The following STK31 variants were observed in gnomAD, a reference collection of about 807,000 sequenced individuals.
The protein encoded by STK31 is serine/threonine-protein kinase 31.
In STK31, 89 loss-of-function variants were observed where a neutral mutation model predicts 129.7. That is an observed-to-expected ratio of 0.69 (90% CI 0.58 to 0.82). The LOEUF is 0.82. STK31 is among the 40% of genes least tolerant of loss of function. The probability of loss-of-function intolerance (pLI) is 0.00; values close to 1 mark genes in which losing one functional copy is unlikely to be tolerated. For synonymous variants in STK31, 448 were observed against 395.3 expected, an observed-to-expected ratio of 1.13 and a Z score of -1.58; for missense variants, 1,187 against 1,176.4, an observed-to-expected ratio of 1.01 and a Z score of -0.13.
At position 23,710,243 on chromosome 7, in the gene STK31, C is replaced by A. The variant is rs367622084; in HGVS notation, c.-43C>A. 6.2e-7 allele frequency: 1 copy of A among 1,609,842 alleles called. No individual in the cohort carries two copies. Among genetic ancestry groups the A allele is most frequent in the Non-Finnish European group, 8.5e-7 (1 of 1,179,052 alleles). On this transcript the variant is annotated 5_prime_UTR_variant, in exon 1 of 24. Coordinates refer to ENST00000355870, the MANE Select transcript of STK31 (RefSeq NM_031414.5). ...TGCGGTCGAAGCTCACGCGGTAAGC[C>A]GCTGCACGTGTGCTACGGCGGGCGG...
At chr7:23,785,958 C>G (rs1791255275) in intron 18 of STK31, among the ~76,000 whole-genome samples, 1 of 151,710 alleles carries the variant, frequency 6.6e-6, no homozygotes, top group African/African-American at 2.4e-5. Context: ...CAAACCTGCA[C>G]GTTGTGCACA....
intron 16 of STK31, 93 bp from the exon 17 acceptor site, chr7:23,783,490 A>G (rs150161599): frequency 5.9e-6 from 5 of 853,118 alleles, no homozygotes; most frequent in African/African-American, 5.1e-5. Flanking sequence ...GATATGTTAT[A>G]AGGTAGATGC....
chr7:23,716,825 G>A (rs946908676), intron 3 of STK31, among the ~76,000 whole-genome samples: 2 of 142,658 alleles, frequency 1.4e-5, no homozygotes, highest in African/African-American at 5.3e-5. Context: ...TCAAGACAGG[G>A]TCTCCGTCAC....
In STK31 at chr7:23,757,439, AG is replaced by A. The variant is rs1188820874; in HGVS notation, c.1293+2968del. Among the ~76,000 whole-genome samples the A allele has an allele frequency of 2.6e-5, 4 of 152,242 alleles. No homozygotes were observed. The East Asian group carries it at 5.8e-4, about 22-fold the overall frequency. Reference sequence around the variant, plus strand: ...GGAGAGGGGGATGTGGCAGGACAATAGGGTAATAGTGGGGAGAGAGTCAGCA... The same window carrying A: ...GGAGAGGGGGATGTGGCAGGACAATAGGTAATAGTGGGGAGAGAGTCAGCA... On this transcript the variant is annotated intron_variant, in intron 10 of 23. Transcript: ENST00000355870.
Position 23,831,354 on chromosome 7 carries a change from A to G in STK31, c.2830-782A>G, listed in dbSNP as rs374582049. ...GCTGAATTGATCCCTTTATTATTAT[A>G]TAATGACCTTCTTTGTCACTTTTTG... On this transcript the variant is annotated intron_variant, in intron 23 of 23. Coordinates refer to ENST00000355870, the MANE Select transcript of STK31 (RefSeq NM_031414.5). 1.7e-4 allele frequency among the ~76,000 whole-genome samples: 26 copies of G among 152,310 alleles called. No individual in the cohort carries two copies. In the East Asian group the frequency reaches 4.8e-3, roughly 28 times the overall value.
intron 10 of STK31, among the ~76,000 whole-genome samples, chr7:23,759,068 A>T (rs1032644033): frequency 3.9e-5 from 6 of 152,256 alleles, no homozygotes; most frequent in African/African-American, 1.4e-4. Flanking sequence ...TAAAGGAAAC[A>T]GTTCAACAAG....
chr7:23,796,033 A>G (rs984260152), intron 22 of STK31, among the ~76,000 whole-genome samples: 1 of 152,192 alleles, frequency 6.6e-6, no homozygotes, highest in African/African-American at 2.4e-5. Context: ...TTGAGAAGGC[A>G]TGATTGTTTT....
rs1312111536 is a variant in STK31, at chr7:23,729,418, T to TAA, written c.483+171_483+172dup. ...TATATTTATGCTCATCTTTGCTAGG[T>TAA]AAACATTGAACAGATAAGAATGACA... On this transcript the variant is annotated intron_variant, in intron 6 of 23. Transcript: ENST00000355870. Among the ~76,000 whole-genome samples the TAA allele has an allele frequency of 3.9e-5, 6 of 152,202 alleles. No homozygotes were observed. The East Asian group carries it at 1.2e-3, about 29-fold the overall frequency.
chr7:23,750,247 G>A (rs995809548), intron 8 of STK31, among the ~76,000 whole-genome samples: 1 of 152,094 alleles, frequency 6.6e-6, no homozygotes, highest in Admixed American at 6.5e-5. Flanking sequence ...CTAGTTTCCA[G>A]CAGTTTGTCA....
At chr7:23,763,703 C>A (rs952924320) in intron 11 of STK31, among the ~76,000 whole-genome samples, 1 of 151,952 alleles carries the variant, frequency 6.6e-6, no homozygotes, top group African/African-American at 2.4e-5. Context: ...TCTTTTAGTT[C>A]TCATTTGTCT....
chr7:23,718,887 T>G (rs1432965567), intron 4 of STK31, among the ~76,000 whole-genome samples: 1 of 152,054 alleles, frequency 6.6e-6, no homozygotes, highest in Non-Finnish European at 1.5e-5. Context: ...AATTGTAGGG[T>G]AGACATGTTT....
At chr7:23,747,663 C>T (rs979690608) in intron 8 of STK31, among the ~76,000 whole-genome samples, 14 of 152,172 alleles carry the variant, frequency 9.2e-5, no homozygotes, top group African/African-American at 2.9e-4. Context: ...CCACCATGCC[C>T]GGCCTGTTCA....
intron 22 of STK31, among the ~76,000 whole-genome samples, chr7:23,810,609 TATATATATA>T (rs1478772894): frequency 7.4e-6 from 1 of 135,624 alleles, no homozygotes; most frequent in Non-Finnish European, 1.6e-5. Flanking sequence ...TTTATATATA[TATATATATA>T]ATATATATAA....
intron 8 of STK31, among the ~76,000 whole-genome samples, chr7:23,746,994 G>C (rs903550216): frequency 6.6e-6 from 1 of 151,994 alleles, no homozygotes; most frequent in Non-Finnish European, 1.5e-5. Context: ...AAATCTGTTT[G>C]TAAGTGGATC....
At chr7:23,773,201 C>T (rs192213930) in intron 15 of STK31, among the ~76,000 whole-genome samples, 79 of 152,158 alleles carry the variant, frequency 5.2e-4, no homozygotes, top group African/African-American at 1.9e-3. Context: ...CCTAGACCCC[C>T]ACCCCCTGAC....
intron 15 of STK31, among the ~76,000 whole-genome samples, chr7:23,778,747 G>A (rs1790717103): frequency 2.0e-5 from 3 of 151,808 alleles, no homozygotes; most frequent in Admixed American, 1.3e-4. Flanking sequence ...CTTTTTTCAA[G>A]GTTCTTAGCT....
At position 23,832,276 on chromosome 7, in the gene STK31, C is replaced by T. The variant is rs1794601178; in HGVS notation, c.2970C>T (p.Thr990=). The T allele has an allele frequency of 1.9e-6, 3 of 1,613,700 alleles. No homozygotes were observed. The highest frequency in any genetic ancestry group is 2.5e-6 in the Non-Finnish European group (3 of 1,179,784). The change falls in exon 24 of 24, where the codon ACC becomes ACT. Residue 990 remains threonine (T), a synonymous_variant. Coordinates refer to ENST00000355870, the MANE Select transcript of STK31 (RefSeq NM_031414.5). The part of the protein sequence containing the change: ...VPNPEKDTEY[T]LYKKEEEIKT... ...ACCCAGAAAAAGATACTGAATACACCCTATATAAAAAGGAAGAAGAAATAA... is the reference window on the plus strand; with the variant it reads ...ACCCAGAAAAAGATACTGAATACACTCTATATAAAAAGGAAGAAGAAATAA...
chr7:23,714,370 A>G (rs897076073), intron 3 of STK31, among the ~76,000 whole-genome samples: 2 of 152,102 alleles, frequency 1.3e-5, no homozygotes, highest in African/African-American at 2.4e-5. Context: ...ATTTAAGCTT[A>G]TTATACAGAA....
chr7:23,774,963 A>G (rs1001062118), intron 15 of STK31, among the ~76,000 whole-genome samples: 4 of 152,206 alleles, frequency 2.6e-5, no homozygotes, highest in African/African-American at 4.8e-5. Context: ...ATAAGGTGTA[A>G]GGAAGGTATC....
Sources: allele counts gnomAD v4.1 joint callset (sites outside exome capture counted in the v4.1 genomes callset), GRCh38; gene constraint gnomAD v4.1.1; transcripts MANE v1.5; gene names NCBI Gene and HGNC (gene_info 2026-07-23, HGNC 2026-07-21).